The following MGAT4C variants were observed in gnomAD, a reference collection of about 807,000 sequenced individuals.
MGAT4C encodes MGAT4 family member C, also known as alpha-1,3-mannosyl-glycoprotein 4-beta-N-acetylglucosaminyltransferase C.
A neutral mutation model predicts 40.1 loss-of-function variants in MGAT4C; 19 were observed. The observed-to-expected ratio is 0.47, with a 90% CI of 0.33 to 0.70. The LOEUF is 0.70. Among genes scored for constraint, MGAT4C ranks in the 30% least tolerant of loss-of-function variants. The pLI is 0.02. For synonymous variants in MGAT4C, 181 were observed against 187.1 expected, an observed-to-expected ratio of 0.97 and a Z score of 0.27; for missense variants, 491 against 563.2, an observed-to-expected ratio of 0.87 and a Z score of 1.30.
At chr12:86,592,449 T>C (rs1961367020) in intron 2 of MGAT4C, among the ~76,000 whole-genome samples, 1 of 152,172 alleles carries the variant, frequency 6.6e-6, no homozygotes, top group Non-Finnish European at 1.5e-5. Context: ...AACTGTATAA[T>C]TGGTAAAAAC....
rs1891314937 is a variant in MGAT4C, at chr12:86,037,145, T to C, written c.-7+12529A>G. Reference sequence around the variant, plus strand: ...GAGATCAGTGGTGATATCCCCTCGATCATTTTTTATTGCATCTATTTGATT... The same window carrying C: ...GAGATCAGTGGTGATATCCCCTCGACCATTTTTTATTGCATCTATTTGATT... On this transcript the variant is annotated intron_variant, in intron 2 of 4. Coordinates refer to ENST00000611864, the MANE Select transcript of MGAT4C (RefSeq NM_001351288.2). 1.3e-5 allele frequency among the ~76,000 whole-genome samples: 2 copies of C among 150,186 alleles called. 1 individual carries two copies. Among genetic ancestry groups the C allele is most frequent in the Non-Finnish European group, 3.0e-5 (2 of 66,972 alleles).
Position 85,974,705 on chromosome 12 carries a change from G to T in MGAT4C, c.*4584C>A, listed in dbSNP as rs962601505. Reference sequence around the variant, plus strand: ...TTTAAAAGCAAACAAAAAATAAATGGCAATAACTAATCACATTGAATTTTG... The same window carrying T: ...TTTAAAAGCAAACAAAAAATAAATGTCAATAACTAATCACATTGAATTTTG... On this transcript the variant is annotated 3_prime_UTR_variant, in exon 5 of 5. Coordinates refer to ENST00000611864, the MANE Select transcript of MGAT4C (RefSeq NM_001351288.2). 1 of 150,338 alleles carries T rather than the reference G, an allele frequency of 6.7e-6. No homozygotes were observed. Among genetic ancestry groups the T allele is most frequent in the African/African-American group, 2.4e-5 (1 of 41,174 alleles). The allele number at this position is 150,338 out of a possible 1,614,324, so 9.3% of individuals were successfully genotyped here.
At chr12:86,166,336 A>G (rs751129334) in intron 1 of MGAT4C, among the ~76,000 whole-genome samples, 4 of 152,212 alleles carry the variant, frequency 2.6e-5, no homozygotes, top group Non-Finnish European at 5.9e-5. Context: ...GGAAAAACAA[A>G]CAAACAAACA....
chr12:86,109,161 T>C (rs1876752953), intron 1 of MGAT4C, among the ~76,000 whole-genome samples: 1 of 152,100 alleles, frequency 6.6e-6, no homozygotes. Context: ...CTATCAAATA[T>C]CCTTCAAAAA....
Position 86,708,662 on chromosome 12 carries a change from AC to A in MGAT4C, c.-229+18546del, listed in dbSNP as rs1448632375. Among the ~76,000 whole-genome samples, 83 of 152,312 alleles carry A rather than the reference AC, an allele frequency of 5.4e-4. 1 individual carries two copies. The highest frequency in any genetic ancestry group is 2.4e-4 in the Non-Finnish European group (16 of 68,028). On this transcript the variant is annotated intron_variant, in intron 2 of 7. Coordinates refer to the MGAT4C transcript ENST00000548651. ...AACCACAGGGTTGAAGCTGCCCAAGACCATGGGAACTAAGCTCTTGCATCAG... is the reference window on the plus strand; with the variant it reads ...AACCACAGGGTTGAAGCTGCCCAAGACATGGGAACTAAGCTCTTGCATCAG...
intron 2 of MGAT4C, among the ~76,000 whole-genome samples, chr12:86,670,602 G>A (rs993138318): frequency 6.6e-6 from 1 of 152,106 alleles, no homozygotes; most frequent in Admixed American, 6.5e-5. Context: ...AATCCTATAA[G>A]TTGTTCGCAT....
At chr12:86,792,539 T>G (rs1271418236) in intron 1 of MGAT4C, among the ~76,000 whole-genome samples, 1 of 152,092 alleles carries the variant, frequency 6.6e-6, no homozygotes, top group Non-Finnish European at 1.5e-5. Flanking sequence ...ATATCTGGAA[T>G]TCGAGTCATT....
chr12:86,441,739 G>T (rs1468047463), intron 2 of MGAT4C, among the ~76,000 whole-genome samples: 1 of 151,816 alleles, frequency 6.6e-6, no homozygotes, highest in South Asian at 2.1e-4. Context: ...CTTAATCTAG[G>T]CAATCATTAA....
intron 1 of MGAT4C, among the ~76,000 whole-genome samples, chr12:86,766,530 T>A (rs1452918950): frequency 1.3e-5 from 2 of 151,976 alleles, no homozygotes; most frequent in Admixed American, 1.3e-4. Flanking sequence ...AATAGACATC[T>A]ACAGAACTCT....
chr12:86,175,168 T>C (rs1344256787), intron 1 of MGAT4C, among the ~76,000 whole-genome samples: 2 of 152,192 alleles, frequency 1.3e-5, no homozygotes, highest in Non-Finnish European at 2.9e-5. Flanking sequence ...TATAGAAATG[T>C]ACGATATAAT....
At position 86,540,660 on chromosome 12, in the gene MGAT4C, C is replaced by T. The variant is rs568896820; in HGVS notation, c.-228-105395G>A. On this transcript the variant is annotated intron_variant, in intron 2 of 7. Coordinates refer to the MGAT4C transcript ENST00000548651. ...CTGAGGCAGAAGAATCTCTTGAAGC[C>T]GGGAGGCGGAGGTTGCAGTGAGCCG... Among the ~76,000 whole-genome samples, 7 of 152,088 alleles carry T rather than the reference C, an allele frequency of 4.6e-5. No individual in the cohort carries two copies. In the East Asian group the frequency reaches 7.8e-4, roughly 17 times the overall value.
chr12:86,755,235 T>C (rs1951282883), intron 1 of MGAT4C, among the ~76,000 whole-genome samples: 1 of 152,214 alleles, frequency 6.6e-6, no homozygotes, highest in African/African-American at 2.4e-5. Flanking sequence ...ACATCATTCC[T>C]GCATGAGTTT....
rs1204444191 is a variant in MGAT4C at position 86,477,248 on chromosome 12, CTTG to C, written c.-228-41986_-228-41984del. Among the ~76,000 whole-genome samples the C allele has an allele frequency of 3.3e-3, 498 of 151,276 alleles. 2 individuals carry two copies. The highest frequency in any genetic ancestry group is 0.012 in the African/African-American group (481 of 41,208). On this transcript the variant is annotated intron_variant, in intron 2 of 7. Transcript: ENST00000548651. The stretch of plus-strand genomic sequence containing the variant: ...TATACTATGCAGCCATTAAAAAAAC[CTTG>C]TTATTTGCAGTGACATGAATGAAAT...
chr12:86,664,504 A>T (rs1277821827), intron 2 of MGAT4C, among the ~76,000 whole-genome samples: 3 of 152,236 alleles, frequency 2.0e-5, no homozygotes, highest in Non-Finnish European at 4.4e-5. Context: ...GTGTGAATAT[A>T]TACTATATCA....
intron 1 of MGAT4C, among the ~76,000 whole-genome samples, chr12:86,222,947 C>T (rs1405778860): frequency 1.3e-5 from 2 of 152,182 alleles, no homozygotes; most frequent in African/African-American, 4.8e-5. Flanking sequence ...CATTTTACAA[C>T]CCTAACTATG....
chr12:86,447,114 T>A (rs534092993), intron 2 of MGAT4C, among the ~76,000 whole-genome samples: 90 of 152,100 alleles, frequency 5.9e-4, no homozygotes, highest in South Asian at 3.7e-3. Context: ...AGCAGCAGCA[T>A]TCTTTTTGTT....
At chr12:86,265,888 T>C (rs145049343) in intron 4 of MGAT4C, among the ~76,000 whole-genome samples, 2 of 152,340 alleles carry the variant, frequency 1.3e-5, no homozygotes, top group East Asian at 3.8e-4. Flanking sequence ...TATTTATATT[T>C]ATTTTTGTAG....
intron 2 of MGAT4C, among the ~76,000 whole-genome samples, chr12:86,662,258 C>A (rs1252335735): frequency 6.6e-5 from 10 of 152,150 alleles, no homozygotes; most frequent in Non-Finnish European, 8.8e-5. Flanking sequence ...CGAATACAAT[C>A]ACAAAATTAT....
intron 2 of MGAT4C, among the ~76,000 whole-genome samples, chr12:86,606,361 T>C (rs1459713061): frequency 2.0e-5 from 3 of 152,152 alleles, no homozygotes; most frequent in African/African-American, 7.2e-5. Flanking sequence ...TGGACGTGGA[T>C]AAATATTTTT....
Sources: gnomAD v4.1 joint callset for allele counts (sites outside exome capture counted in the v4.1 genomes callset) on GRCh38, gnomAD v4.1.1 for gene constraint, MANE v1.5 for transcripts, NCBI Gene and HGNC (gene_info 2026-07-23, HGNC 2026-07-21) for gene names.